The following CACNA2D3 variants were observed in gnomAD, a reference collection of about 807,000 sequenced individuals.
The protein encoded by CACNA2D3 is voltage-dependent calcium channel subunit alpha-2/delta-3.
Under a neutral mutation model 160.6 loss-of-function variants are expected in CACNA2D3, and 60 were observed. The ratio of observed to expected loss-of-function variants is 0.37; its 90% confidence interval spans 0.30 to 0.46. The LOEUF (loss-of-function observed/expected upper bound fraction) is 0.46. Ranked by LOEUF, CACNA2D3 falls within the 20% of genes least tolerant of loss-of-function variation. CACNA2D3 has a pLI of 1.00. For missense variants in CACNA2D3, 1,205 were observed against 1,365.0 expected, an observed-to-expected ratio of 0.88 and a Z score of 1.85; for synonymous variants, 558 against 492.9, an observed-to-expected ratio of 1.13 and a Z score of -1.75.
intron 27 of CACNA2D3, among the ~76,000 whole-genome samples, chr3:54,901,973 A>G (rs993287987): frequency 6.6e-6 from 1 of 152,194 alleles, no homozygotes; most frequent in African/African-American, 2.4e-5. Flanking sequence ...CAAATTAAGT[A>G]GACACTGTTT....
Position 54,964,206 on chromosome 3 carries a change from G to C in CACNA2D3, c.2450-4244G>C, listed in dbSNP as rs543163917. 2.0e-5 allele frequency among the ~76,000 whole-genome samples: 3 copies of C among 152,280 alleles called. No homozygotes were observed. In the South Asian group the frequency reaches 6.2e-4, roughly 32 times the overall value. On this transcript the variant is annotated intron_variant, in intron 27 of 37. Coordinates refer to ENST00000474759, the MANE Select transcript of CACNA2D3 (RefSeq NM_018398.3). ...TGGGATAATATTTTCTGGATCGGTTGTGTTCCTGGGTGGTGAGTAAGATAT... is the reference window on the plus strand; with the variant it reads ...TGGGATAATATTTTCTGGATCGGTTCTGTTCCTGGGTGGTGAGTAAGATAT...
chr3:54,820,693 T>C (rs1375010573), intron 14 of CACNA2D3, among the ~76,000 whole-genome samples: 34 of 152,154 alleles, frequency 2.2e-4, no homozygotes. Flanking sequence ...TTGGGTGGAT[T>C]GATTGTCCCT....
intron 2 of CACNA2D3, among the ~76,000 whole-genome samples, chr3:54,249,836 G>A (rs1001765458): frequency 1.3e-5 from 2 of 150,200 alleles, no homozygotes; most frequent in Admixed American, 6.6e-5. Context: ...GGTTCATTAT[G>A]ACCCTAGATA....
chr3:54,297,732 GT>G (rs1384239428), intron 2 of CACNA2D3, among the ~76,000 whole-genome samples: 1 of 146,062 alleles, frequency 6.8e-6, no homozygotes, highest in Non-Finnish European at 1.5e-5. Context: ...AAAAAAAAGA[GT>G]GAAGAAATGG....
chr3:54,473,160 G>T lies in CACNA2D3; in HGVS notation c.382-30332G>T, dbSNP rs146879987. ...CTACAAGACTACAGTAACCAAAACA[G>T]CATGGTACTGGTACCAAAACAGATA... On this transcript the variant is annotated intron_variant, in intron 4 of 37. Coordinates refer to ENST00000474759, the MANE Select transcript of CACNA2D3 (RefSeq NM_018398.3). 9.7e-3 allele frequency among the ~76,000 whole-genome samples: 1,470 copies of T among 152,250 alleles called. 53 individuals carry two copies. Among genetic ancestry groups the T allele is most frequent in the Admixed American group, 0.061 (936 of 15,280 alleles).
chr3:54,224,007 C>T (rs1170618770), intron 2 of CACNA2D3, among the ~76,000 whole-genome samples: 1 of 151,918 alleles, frequency 6.6e-6, no homozygotes, highest in Non-Finnish European at 1.5e-5. Flanking sequence ...AAATATTTTC[C>T]TTTTTATATA....
intron 5 of CACNA2D3, among the ~76,000 whole-genome samples, chr3:54,541,507 C>CTCCA (rs893152181): frequency 2.6e-5 from 4 of 152,110 alleles, no homozygotes; most frequent in African/African-American, 9.7e-5. Context: ...AATGACTTTA[C>CTCCA]TCCAGGCTTC....
intron 2 of CACNA2D3, among the ~76,000 whole-genome samples, chr3:54,207,799 C>A (rs541003751): frequency 6.6e-6 from 1 of 152,098 alleles, no homozygotes; most frequent in South Asian, 2.1e-4. Context: ...TCATGGGAGC[C>A]ACGAGATAGG....
At chr3:54,636,878 A>G (rs893661272) in intron 10 of CACNA2D3, among the ~76,000 whole-genome samples, 2 of 151,984 alleles carry the variant, frequency 1.3e-5, no homozygotes, top group Admixed American at 6.5e-5. Context: ...AGCCCAGGTA[A>G]TTTGCTGAGC....
chr3:54,392,820 CT>C (rs1462031555), intron 4 of CACNA2D3, among the ~76,000 whole-genome samples: 2 of 152,146 alleles, frequency 1.3e-5, no homozygotes, highest in African/African-American at 4.8e-5. Context: ...GAAAGGGCAG[CT>C]CAGGAGCCCC....
At chr3:54,241,231 T>G (rs1019557826) in intron 2 of CACNA2D3, among the ~76,000 whole-genome samples, 1 of 152,174 alleles carries the variant, frequency 6.6e-6, no homozygotes, top group Non-Finnish European at 1.5e-5. Flanking sequence ...AAAATCTCAG[T>G]GCTGGCCTGC....
intron 11 of CACNA2D3, among the ~76,000 whole-genome samples, chr3:54,683,962 CT>C (rs61481695): frequency 0.033 from 3,603 of 110,092 alleles, 23 homozygotes; most frequent in African/African-American, 0.078. Context: ...AAATTTCCAC[CT>C]TTTTTTTTTT....
At chr3:54,768,535 C>T (rs1285941620) in intron 13 of CACNA2D3, among the ~76,000 whole-genome samples, 1 of 152,152 alleles carries the variant, frequency 6.6e-6, no homozygotes, top group Non-Finnish European at 1.5e-5. Context: ...CGCTGAAGTA[C>T]TTTTGTGACC....
intron 27 of CACNA2D3, among the ~76,000 whole-genome samples, chr3:54,939,672 A>C (rs1298016448): frequency 3.9e-5 from 6 of 152,224 alleles, no homozygotes; most frequent in Admixed American, 3.9e-4. Flanking sequence ...GATCTGGGAC[A>C]CATTTGTCAT....
At chr3:54,205,144 C>CG (rs1368225523) in intron 2 of CACNA2D3, among the ~76,000 whole-genome samples, 1 of 151,914 alleles carries the variant, frequency 6.6e-6, no homozygotes, top group Non-Finnish European at 1.5e-5. Context: ...ACCACGGCTA[C>CG]GTGAGGATAA....
intron 13 of CACNA2D3, among the ~76,000 whole-genome samples, chr3:54,786,288 A>C (rs1444101252): frequency 1.3e-5 from 2 of 152,226 alleles, no homozygotes; most frequent in Non-Finnish European, 2.9e-5. Flanking sequence ...CTCTGTTCCC[A>C]GTACCTAACA....
At chr3:54,433,024 T>G (rs1700011578) in intron 4 of CACNA2D3, among the ~76,000 whole-genome samples, 1 of 152,196 alleles carries the variant, frequency 6.6e-6, no homozygotes, top group Non-Finnish European at 1.5e-5. Context: ...GCTAACACAT[T>G]TTAATCAGAA....
rs147923027 is a variant in CACNA2D3 at position 54,657,231 on chromosome 3, C to T, written c.1167+14990C>T. Among the ~76,000 whole-genome samples the T allele has an allele frequency of 7.7e-3, 1,171 of 152,194 alleles. 9 individuals are homozygous for T. The highest frequency in any genetic ancestry group is 0.013 in the Non-Finnish European group (859 of 68,022). The stretch of plus-strand genomic sequence containing the variant: ...TGTCATCAGTTAAGGCAGGAACCCG[C>T]GGTCTGGATGTGTACGTGCAGGTCA... On this transcript the variant is annotated intron_variant, in intron 11 of 37. Coordinates refer to ENST00000474759, the MANE Select transcript of CACNA2D3 (RefSeq NM_018398.3).
At chr3:54,736,803 G>T (rs1161023625) in intron 11 of CACNA2D3, among the ~76,000 whole-genome samples, 4 of 152,148 alleles carry the variant, frequency 2.6e-5, no homozygotes, top group Non-Finnish European at 4.4e-5. Flanking sequence ...GGTCCCACAT[G>T]CCTTGAAAAG....
Sources: gnomAD v4.1 joint callset for allele counts (sites outside exome capture counted in the v4.1 genomes callset) on GRCh38, gnomAD v4.1.1 for gene constraint, MANE v1.5 for transcripts, NCBI Gene and HGNC (gene_info 2026-07-23, HGNC 2026-07-21) for gene names.